SLC12A1: variants seen among roughly 807,000 people sequenced by gnomAD.
SLC12A1 encodes solute carrier family 12 member 1.
SLC12A1 carries 89 observed loss-of-function variants against 130.4 expected under a neutral mutation model. That is an observed-to-expected ratio of 0.68 (90% CI 0.58 to 0.81). SLC12A1 has a LOEUF of 0.81. Ranked by LOEUF, SLC12A1 falls within the 40% of genes least tolerant of loss-of-function variation. The pLI, the probability that SLC12A1 is intolerant of heterozygous loss-of-function variation, is 0.00. For missense variants in SLC12A1, 1,310 were observed against 1,336.4 expected (o/e 0.98, Z 0.31); for synonymous variants, 499 against 460.0 (o/e 1.08, Z -1.09).
chr15:48,246,916 G>A lies in SLC12A1; in HGVS notation c.1460G>A (p.Ser487Asn). 6.2e-7 allele frequency: 1 copy of A among 1,612,726 alleles called. No homozygotes were observed. The highest frequency in any genetic ancestry group is 1.1e-5 in the South Asian group (1 of 91,064). ...TGTACCTCTCTTCTCAAGGTCATGA[G>A]CATGGTATCAGGGTTCGGCCCCCTC... Reference protein sequence around the residue: ...YGLMNNFQVMSMVSGFGPLIT... With the variant: ...YGLMNNFQVMNMVSGFGPLIT... Residue 487 changes from serine to asparagine, a missense_variant, in exon 12 of 27, where the codon AGC becomes AAC. Ser to Asn is a conservative substitution (Grantham distance 46, BLOSUM62 1). Coordinates refer to ENST00000380993, the MANE Select transcript of SLC12A1 (RefSeq NM_000338.3).
At chr15:48,261,486 G>A (rs899699782) in intron 17 of SLC12A1, among the ~76,000 whole-genome samples, 3 of 152,142 alleles carry the variant, frequency 2.0e-5, no homozygotes, top group African/African-American at 4.8e-5. Flanking sequence ...CTGCTCCAAG[G>A]TGCCAAGGTT....
intron 2 of SLC12A1, among the ~76,000 whole-genome samples, chr15:48,219,121 A>G (rs375222716): frequency 8.5e-5 from 13 of 152,350 alleles, no homozygotes; most frequent in East Asian, 3.9e-4. Context: ...AGATACTAGC[A>G]TATTCAACAA....
chr15:48,221,999 T>G (rs1247783230), intron 4 of SLC12A1, among the ~76,000 whole-genome samples: 1 of 152,132 alleles, frequency 6.6e-6, no homozygotes, highest in African/African-American at 2.4e-5. Flanking sequence ...ATTGAAAAAA[T>G]GGAGCCAGTT....
chr15:48,281,032 C>A (rs760770424), intron 20 of SLC12A1, among the ~76,000 whole-genome samples: 2 of 152,004 alleles, frequency 1.3e-5, no homozygotes, highest in Non-Finnish European at 2.9e-5. Flanking sequence ...AGGTAATAAA[C>A]GGGAGGGGTG....
intron 17 of SLC12A1, among the ~76,000 whole-genome samples, chr15:48,260,343 C>T (rs1014203944): frequency 1.3e-5 from 1 of 79,664 alleles, no homozygotes; most frequent in Non-Finnish European, 2.4e-5. Context: ...CTCTCTCTCT[C>T]TCTATCACAC....
At chr15:48,265,120 T>G (rs2041819146) in intron 17 of SLC12A1, among the ~76,000 whole-genome samples, 1 of 152,204 alleles carries the variant, frequency 6.6e-6, no homozygotes, top group Non-Finnish European at 1.5e-5. Flanking sequence ...GCTTTATTCT[T>G]ACCACATTTG....
chr15:48,289,007 T>C (rs781363326), intron 23 of SLC12A1, among the ~76,000 whole-genome samples: 8 of 152,102 alleles, frequency 5.3e-5, no homozygotes, highest in Non-Finnish European at 1.0e-4. Flanking sequence ...CTGCAGGACT[T>C]TGCAACAGTC....
chr15:48,302,448 G>T (rs1297772234), intron 26 of SLC12A1, among the ~76,000 whole-genome samples: 1 of 150,710 alleles, frequency 6.6e-6, no homozygotes, highest in Non-Finnish European at 1.5e-5. Flanking sequence ...GTGAAACCCC[G>T]TCTCTACTAA....
At chr15:48,264,317 G>T (rs779083935) in intron 17 of SLC12A1, among the ~76,000 whole-genome samples, 5 of 151,724 alleles carry the variant, frequency 3.3e-5, no homozygotes, top group Admixed American at 2.0e-4. Flanking sequence ...AAAACCTAAG[G>T]CTCTCTTTGA....
chr15:48,276,175 C>T (rs2041951379), intron 20 of SLC12A1, among the ~76,000 whole-genome samples: 1 of 152,122 alleles, frequency 6.6e-6, no homozygotes, highest in Non-Finnish European at 1.5e-5. Flanking sequence ...ATGGGAAATG[C>T]AAGAGGAAGT....
intron 16 of SLC12A1, among the ~76,000 whole-genome samples, chr15:48,258,515 C>T (rs2041735220): frequency 6.6e-6 from 1 of 152,118 alleles, no homozygotes; most frequent in Non-Finnish European, 1.5e-5. Flanking sequence ...TATGAAATTC[C>T]AAACTTTTAC....
At chr15:48,241,411 C>A in intron 9 of SLC12A1, 104 bp from the exon 10 acceptor site, 1 of 916,074 alleles carries the variant, frequency 1.1e-6, no homozygotes, top group Non-Finnish European at 1.8e-6. Context: ...GAACTTGCCT[C>A]AGGAAGGGTA....
At chr15:48,260,089 AC>A (rs969930427) in intron 17 of SLC12A1, among the ~76,000 whole-genome samples, 15 of 151,680 alleles carry the variant, frequency 9.9e-5, no homozygotes, top group African/African-American at 3.6e-4. Context: ...TCATGGCAAA[AC>A]CCTCTCTCTA....
intron 20 of SLC12A1, among the ~76,000 whole-genome samples, chr15:48,276,310 A>G (rs2041952959): frequency 6.6e-6 from 1 of 152,228 alleles, no homozygotes. Flanking sequence ...CTGGAAATAC[A>G]GATTTAGGAG....
chr15:48,299,573 C>T (rs1381674708), intron 25 of SLC12A1, among the ~76,000 whole-genome samples: 3 of 152,146 alleles, frequency 2.0e-5, no homozygotes, highest in Non-Finnish European at 4.4e-5. Flanking sequence ...GACTCATCAG[C>T]CTAAAATAAT....
At chr15:48,275,949 T>A (rs1034404511) in intron 20 of SLC12A1, among the ~76,000 whole-genome samples, 3 of 152,118 alleles carry the variant, frequency 2.0e-5, no homozygotes, top group African/African-American at 7.2e-5. Context: ...AGGACTAGAA[T>A]GGAAATAGAT....
At chr15:48,241,824 A>G (rs2041520023) in intron 10 of SLC12A1, among the ~76,000 whole-genome samples, 1 of 152,230 alleles carries the variant, frequency 6.6e-6, no homozygotes. Context: ...AAAGCTAATC[A>G]GGTTGTCATT....
chr15:48,231,597 G>C (rs1451735152), intron 7 of SLC12A1, among the ~76,000 whole-genome samples: 1 of 152,122 alleles, frequency 6.6e-6, no homozygotes, highest in Non-Finnish European at 1.5e-5. Flanking sequence ...CCTTTAAAAT[G>C]AGGATAATAA....
chr15:48,229,067 T>A, intron 5 of SLC12A1, 122 bp from the exon 6 acceptor site: 1 of 1,074,050 alleles, frequency 9.3e-7, no homozygotes, highest in South Asian at 1.8e-5. Flanking sequence ...CTAAAATTAC[T>A]GGGAAGTTGT....
Sources: allele counts gnomAD v4.1 joint callset (sites outside exome capture counted in the v4.1 genomes callset), GRCh38; gene constraint gnomAD v4.1.1; transcripts MANE v1.5; gene names NCBI Gene and HGNC (gene_info 2026-07-23, HGNC 2026-07-21).